The following ATP11A variants were observed in gnomAD, a reference collection of about 807,000 sequenced individuals.
The protein encoded by ATP11A is ATPase phospholipid transporting 11A, also known as phospholipid-transporting ATPase IH.
Under a neutral mutation model 154.4 loss-of-function variants are expected in ATP11A, and 81 were observed. The observed-to-expected ratio is 0.52, with a 90% CI of 0.44 to 0.63. ATP11A has a LOEUF of 0.63. Ranked by LOEUF, ATP11A falls within the 30% of genes least tolerant of loss-of-function variation. ATP11A has a pLI of 0.00. For synonymous variants in ATP11A, 623 were observed against 585.9 expected, an observed-to-expected ratio of 1.06 and a Z score of -0.91; for missense variants, 1,316 against 1,474.3, an observed-to-expected ratio of 0.89 and a Z score of 1.76.
rs1180903998 is a variant in ATP11A at position 112,885,237 on chromosome 13, CACA to C, written c.*3372_*3374del. On this transcript the variant is annotated 3_prime_UTR_variant, in exon 30 of 30. Coordinates refer to ENST00000375645, the MANE Select transcript of ATP11A (RefSeq NM_015205.3). ...AGTTCCTACACACGGACGTGTGATA[CACA>C]CATGCATGTACAGGTAAGCACACAT... 1 of 90,536 alleles carries C rather than the reference CACA, an allele frequency of 1.1e-5. No homozygotes were observed. Among genetic ancestry groups the C allele is most frequent in the Non-Finnish European group, 2.4e-5 (1 of 40,998 alleles). 5.6% of individuals were successfully genotyped at this position (90,536 alleles called of 1,614,324 possible). A position where few individuals can be genotyped will look rare whatever the true frequency, so the allele number is the denominator to read the frequency against.
rs185037786 is a variant in ATP11A at position 112,886,761 on chromosome 13, C to T, written c.*4895C>T. 3.9e-5 allele frequency: 6 copies of T among 152,556 alleles called. No homozygotes were observed. The highest frequency in any genetic ancestry group is 4.1e-4 in the South Asian group (2 of 4,820). The allele number at this position is 152,556 out of a possible 1,614,324, so 9.5% of individuals were successfully genotyped here. On this transcript the variant is annotated 3_prime_UTR_variant, in exon 30 of 30. Transcript: ENST00000375645. ...GTCTGACTTAAAATTATAATGTCTG[C>T]GTCACCATTTAAAATGTCTGTTCAT...
intron 1 of ATP11A, among the ~76,000 whole-genome samples, chr13:112,765,490 T>C (rs2077055233): frequency 6.6e-6 from 1 of 152,230 alleles, no homozygotes; most frequent in African/African-American, 2.4e-5. Context: ...CTTCTGAGCG[T>C]GTCTCTGGGA....
At chr13:112,773,235 C>T (rs557973966) in intron 1 of ATP11A, among the ~76,000 whole-genome samples, 3 of 152,144 alleles carry the variant, frequency 2.0e-5, no homozygotes, top group Non-Finnish European at 2.9e-5. Flanking sequence ...GCCCCACCAT[C>T]GCCACCCTCA....
chr13:112,863,621 C>A (rs1228148126), intron 25 of ATP11A, among the ~76,000 whole-genome samples: 9 of 148,282 alleles, frequency 6.1e-5, no homozygotes, highest in East Asian at 2.0e-4. Flanking sequence ...CCATCACCAC[C>A]TGCACAGTAA....
chr13:112,831,986 GCACA>G (rs766313733), intron 13 of ATP11A, among the ~76,000 whole-genome samples: 4 of 150,196 alleles, frequency 2.7e-5, no homozygotes, highest in Admixed American at 1.3e-4. Context: ...GACACCGTGT[GCACA>G]CACAGACACA....
In ATP11A at chr13:112,718,723, G is replaced by T. The variant is rs369784031; in HGVS notation, c.39+28268G>T. Among the ~76,000 whole-genome samples, 64 of 151,632 alleles carry T rather than the reference G, an allele frequency of 4.2e-4. No homozygotes were observed. The East Asian group carries it at 5.2e-3, about 12-fold the overall frequency. ...TTCATTCTTGTCACCCAGGCTGGAG[G>T]GCAATAGCACGATCTTGGCTCACTG... On this transcript the variant is annotated intron_variant, in intron 1 of 29. Coordinates refer to ENST00000375645, the MANE Select transcript of ATP11A (RefSeq NM_015205.3).
chr13:112,794,167 G>A (rs1200482835), intron 2 of ATP11A, among the ~76,000 whole-genome samples: 1 of 152,208 alleles, frequency 6.6e-6, no homozygotes, highest in Non-Finnish European at 1.5e-5. Flanking sequence ...GTTCTATGCT[G>A]TGGCTTTCAC....
intron 25 of ATP11A, among the ~76,000 whole-genome samples, chr13:112,870,145 C>T (rs2080468233): frequency 6.6e-6 from 1 of 152,138 alleles, no homozygotes; most frequent in African/African-American, 2.4e-5. Context: ...CTTCTGATCA[C>T]AATGAGGAAG....
intron 28 of ATP11A, among the ~76,000 whole-genome samples, chr13:112,877,361 C>G (rs1278760): frequency 6.6e-6 from 1 of 152,168 alleles, no homozygotes; most frequent in South Asian, 2.1e-4. Context: ...TCTCTAAGCA[C>G]GGTCCTTGGT....
In ATP11A at chr13:112,824,384, A is replaced by C; in HGVS notation, c.831A>C (p.Leu277Phe). 6.2e-7 allele frequency: 1 copy of C among 1,614,198 alleles called. No homozygotes were observed. The change falls in exon 10 of 30, where the codon TTA (leucine) becomes TTC (phenylalanine). Residue 277 changes from leucine to phenylalanine, a missense_variant. Leu to Phe is a conservative substitution (Grantham distance 22). Around this residue, in one of 5 missense-constraint regions of ATP11A, gnomAD observed 876 missense variants for 1,006.8 expected, o/e 0.87. Coordinates refer to ENST00000375645, the MANE Select transcript of ATP11A (RefSeq NM_015205.3). ...IYTGMETKMA[L>F]NYQSKSQKRS... ...CGGGAATGGAAACCAAGATGGCATT[A>C]AATTATCAATCAAAATCTCAGAAGC...
At chr13:112,831,016 C>T (rs1406067298) in intron 12 of ATP11A, among the ~76,000 whole-genome samples, 1 of 152,140 alleles carries the variant, frequency 6.6e-6, no homozygotes, top group Non-Finnish European at 1.5e-5. Flanking sequence ...CACTTACACT[C>T]TGTCTTCCCA....
chr13:112,867,031 T>A lies in ATP11A; in HGVS notation c.2991+4456T>A, dbSNP rs944736543. Reference sequence around the variant, plus strand: ...ATCTTTTATGAGATTTTCTTCCGAGTTGGGCTTACGTAAGCATCTCGCGTA... The same window carrying A: ...ATCTTTTATGAGATTTTCTTCCGAGATGGGCTTACGTAAGCATCTCGCGTA... On this transcript the variant is annotated intron_variant, in intron 25 of 29. Transcript: ENST00000375645. Among the ~76,000 whole-genome samples, 12 of 139,710 alleles carry A rather than the reference T, an allele frequency of 8.6e-5. No individual in the cohort carries two copies. The Admixed American group carries it at 9.0e-4, about 11-fold the overall frequency. 91.7% of individuals were successfully genotyped at this position (139,710 alleles called of 152,430 possible).
At chr13:112,766,409 G>A (rs2077077416) in intron 1 of ATP11A, among the ~76,000 whole-genome samples, 1 of 152,184 alleles carries the variant, frequency 6.6e-6, no homozygotes, top group Non-Finnish European at 1.5e-5. Context: ...CCTGTGCTGG[G>A]GGGAGAAGCC....
rs1892205093 is a variant in ATP11A at position 112,746,728 on chromosome 13, A to C, written c.40-38407A>C. 6.6e-6 allele frequency: 1 copy of C among 151,524 alleles called. No individual in the cohort carries two copies. Among genetic ancestry groups the C allele is most frequent in the Non-Finnish European group, 1.5e-5 (1 of 67,890 alleles). The allele number at this position is 151,524 out of a possible 1,614,324, so 9.4% of individuals were successfully genotyped here. On this transcript the variant is annotated intron_variant, in intron 1 of 29. Coordinates refer to ENST00000375645, the MANE Select transcript of ATP11A (RefSeq NM_015205.3). The surrounding 1 kb of genome is among the most constrained non-coding windows in gnomAD (Gnocchi z 4.1). ...GCCTGGCTAATTAAAAAAAAAAAAA[A>C]AAAAAGACAACTTTTTTTGGAGAGG...
At chr13:112,830,400 C>A (rs563432917) in intron 12 of ATP11A, among the ~76,000 whole-genome samples, 1 of 152,150 alleles carries the variant, frequency 6.6e-6, no homozygotes, top group Non-Finnish European at 1.5e-5. Context: ...CATGGCGAAA[C>A]TCCCATCTCT....
At chr13:112,855,337 G>T (rs1445327117) in intron 19 of ATP11A, among the ~76,000 whole-genome samples, 2 of 152,194 alleles carry the variant, frequency 1.3e-5, no homozygotes, top group Non-Finnish European at 2.9e-5. Context: ...AAGTAGCTGG[G>T]ATTAAAAGCG....
chr13:112,880,863 G>T (rs1016612068), intron 29 of ATP11A: 28 of 1,061,994 alleles, frequency 2.6e-5, no homozygotes, highest in African/African-American at 3.4e-5. Flanking sequence ...ACACACACGT[G>T]TGCACACTCA....
At chr13:112,736,314 A>G (rs1019545339) in intron 1 of ATP11A, among the ~76,000 whole-genome samples, 8 of 152,332 alleles carry the variant, frequency 5.3e-5, no homozygotes, top group South Asian at 4.1e-4. Flanking sequence ...GATGATCAAT[A>G]AGAAACCCAT....
intron 2 of ATP11A, among the ~76,000 whole-genome samples, chr13:112,799,053 C>A (rs1423399551): frequency 6.6e-6 from 1 of 152,148 alleles, no homozygotes; most frequent in Admixed American, 6.5e-5. Flanking sequence ...AGAGAAGTTA[C>A]CAGGGATAAA....
Sources: allele counts gnomAD v4.1 joint callset (sites outside exome capture counted in the v4.1 genomes callset), GRCh38; gene constraint gnomAD v4.1.1; regional missense constraint gnomAD v4.1.1; non-coding constraint Gnocchi (gnomAD v3.1); transcripts MANE v1.5; gene names NCBI Gene and HGNC (gene_info 2026-07-23, HGNC 2026-07-21).